The following CPEB3 variants were observed in gnomAD, a reference collection of about 807,000 sequenced individuals.
CPEB3 encodes the protein cytoplasmic polyadenylation element binding protein 3.
Under a neutral mutation model 67.2 loss-of-function variants are expected in CPEB3, and 20 were observed. The ratio of observed to expected loss-of-function variants is 0.30; its 90% CI spans 0.21 to 0.43. CPEB3 has a LOEUF of 0.43. CPEB3 is among the 20% of genes least tolerant of loss of function. CPEB3 has a pLI of 1.00. For synonymous variants in CPEB3, 376 were observed against 393.1 expected, an observed-to-expected ratio of 0.96 and a Z score of 0.51; for missense variants, 746 against 968.6, an observed-to-expected ratio of 0.77 and a Z score of 3.05.
chr10:92,210,525 G>C (rs1850026125), intron 2 of CPEB3, among the ~76,000 whole-genome samples: 1 of 152,132 alleles, frequency 6.6e-6, no homozygotes, highest in Admixed American at 6.6e-5. Flanking sequence ...AAAGTTGCTG[G>C]AAACCAAAAG....
At chr10:92,230,713 A>C (rs574168561) in intron 2 of CPEB3, among the ~76,000 whole-genome samples, 6 of 152,358 alleles carry the variant, frequency 3.9e-5, no homozygotes, top group Non-Finnish European at 7.3e-5. Flanking sequence ...GGTGAAATGC[A>C]GCATTTGAAC....
intron 7 of CPEB3, among the ~76,000 whole-genome samples, chr10:92,096,373 A>AG (rs957416947): frequency 1.3e-5 from 2 of 152,034 alleles, no homozygotes; most frequent in Non-Finnish European, 2.9e-5. Context: ...TTGGTATCTG[A>AG]GGGGGGTCCT....
At chr10:92,194,673 G>A (rs981405106) in intron 2 of CPEB3, among the ~76,000 whole-genome samples, 1 of 152,016 alleles carries the variant, frequency 6.6e-6, no homozygotes, top group Non-Finnish European at 1.5e-5. Flanking sequence ...TTTCACTCAA[G>A]CCTTCAGGAA....
intron 1 of CPEB3, among the ~76,000 whole-genome samples, chr10:92,261,508 C>T (rs533460998): frequency 2.0e-5 from 3 of 152,216 alleles, no homozygotes; most frequent in South Asian, 2.1e-4. Flanking sequence ...AGTGCAATGG[C>T]GTGATCTCAG....
chr10:92,240,328 T>G lies in CPEB3; in HGVS notation c.23A>C (p.Asp8Ala). Reference protein sequence around the residue: MQDDLLMDKSKTQPQPQQ... With the variant: MQDDLLMAKSKTQPQPQQ... ...GGGCTGGGGCTGGGTTTTGCTTTTG[T>G]CCATCAGTAAATCATCCTGCATGGT... The change falls in exon 2 of 10, where the codon GAC becomes GCC. Residue 8 changes from aspartate (D) to alanine (A), a missense_variant. This residue lies in a region of CPEB3 where 643 missense variants were observed against 717.5 expected (regional missense o/e 0.90). Transcript: ENST00000265997. 1 of 1,486,584 alleles carries G rather than the reference T, an allele frequency of 6.7e-7. No individual in the cohort carries two copies. Among genetic ancestry groups the G allele is most frequent in the Non-Finnish European group, 8.9e-7 (1 of 1,118,948 alleles). 92.1% of individuals were successfully genotyped at this position (1,486,584 alleles called of 1,614,324 possible).
chr10:92,102,892 C>T (rs1844259592), intron 7 of CPEB3, among the ~76,000 whole-genome samples: 1 of 152,172 alleles, frequency 6.6e-6, no homozygotes, highest in African/African-American at 2.4e-5. Context: ...AGGTCATTTA[C>T]TGGTCATATG....
chr10:92,258,974 T>C (rs1337386345), intron 1 of CPEB3, among the ~76,000 whole-genome samples: 1 of 151,008 alleles, frequency 6.6e-6, no homozygotes, highest in East Asian at 2.0e-4. Context: ...TTCTTTCTTT[T>C]TTTTCTTTGA....
chr10:92,103,500 C>T (rs746375787), intron 7 of CPEB3, among the ~76,000 whole-genome samples: 6 of 152,190 alleles, frequency 3.9e-5, no homozygotes, highest in African/African-American at 7.2e-5. Flanking sequence ...ACAGTCTACA[C>T]GTACTCTTTC....
chr10:92,196,570 C>A (rs904124150), intron 2 of CPEB3, among the ~76,000 whole-genome samples: 1 of 152,034 alleles, frequency 6.6e-6, no homozygotes, highest in Non-Finnish European at 1.5e-5. Flanking sequence ...AGATCGAGAC[C>A]ATCCTGGCTA....
chr10:92,095,594 ATATATATTTT>A (rs1843822863), intron 7 of CPEB3, among the ~76,000 whole-genome samples: 1 of 82,164 alleles, frequency 1.2e-5, no homozygotes, highest in African/African-American at 6.7e-5. Flanking sequence ...ATATATATAT[ATATATATTTT>A]TTTTTTTTCA....
chr10:92,117,021 AT>A (rs1166822778), intron 6 of CPEB3, among the ~76,000 whole-genome samples: 2 of 151,904 alleles, frequency 1.3e-5, no homozygotes, highest in East Asian at 1.9e-4. Flanking sequence ...TAATTAAAAT[AT>A]TTTTTTCTTT....
chr10:92,228,365 A>T (rs1851087847), intron 2 of CPEB3, among the ~76,000 whole-genome samples: 1 of 152,106 alleles, frequency 6.6e-6, no homozygotes, highest in South Asian at 2.1e-4. Flanking sequence ...TATCTAGGTT[A>T]TATTTCTCTG....
intron 1 of CPEB3, among the ~76,000 whole-genome samples, chr10:92,286,394 G>C (rs899477605): frequency 6.6e-5 from 10 of 151,992 alleles, no homozygotes; most frequent in Admixed American, 3.9e-4. Context: ...AGACCAGCCT[G>C]GGCAACATGG....
At chr10:92,190,412 T>C (rs369003025) in intron 3 of CPEB3, among the ~76,000 whole-genome samples, 2 of 151,972 alleles carry the variant, frequency 1.3e-5, no homozygotes, top group African/African-American at 4.8e-5. Flanking sequence ...ACACCTGTAA[T>C]CTCAGCACTT....
chr10:92,130,347 A>G (rs181948054), intron 6 of CPEB3, among the ~76,000 whole-genome samples: 106 of 151,822 alleles, frequency 7.0e-4, no homozygotes, highest in Middle Eastern at 3.4e-3. Context: ...TTAATTTCTT[A>G]TCTCCCCCAT....
At chr10:92,068,065 T>G (rs1378760926) in intron 9 of CPEB3, among the ~76,000 whole-genome samples, 2 of 152,216 alleles carry the variant, frequency 1.3e-5, no homozygotes, top group Non-Finnish European at 2.9e-5. Flanking sequence ...AAAATTACCT[T>G]TGTGCCCTTC....
intron 2 of CPEB3, among the ~76,000 whole-genome samples, chr10:92,194,348 C>T (rs556270033): frequency 6.6e-6 from 1 of 151,806 alleles, no homozygotes; most frequent in South Asian, 2.1e-4. Context: ...GCTGAGGCAG[C>T]GAATTGCTTG....
At chr10:92,287,257 T>C (rs1192537860) in intron 1 of CPEB3, among the ~76,000 whole-genome samples, 1 of 152,066 alleles carries the variant, frequency 6.6e-6, no homozygotes, top group Admixed American at 6.6e-5. Context: ...GCCTCCTGAG[T>C]AGCTGGGACT....
chr10:92,234,562 C>T (rs1317734478), intron 2 of CPEB3, among the ~76,000 whole-genome samples: 1 of 152,190 alleles, frequency 6.6e-6, no homozygotes, highest in African/African-American at 2.4e-5. Context: ...CTGGAGGCAA[C>T]TTTGCCAATT....
Sources: gnomAD v4.1 joint callset for allele counts (sites outside exome capture counted in the v4.1 genomes callset) on GRCh38, gnomAD v4.1.1 for gene constraint, gnomAD v4.1.1 regional missense constraint, MANE v1.5 for transcripts, NCBI Gene and HGNC (gene_info 2026-07-23, HGNC 2026-07-21) for gene names.